GTF2E2: variants seen among roughly 807,000 people sequenced by gnomAD.
The protein encoded by GTF2E2 is transcription initiation factor IIE subunit beta.
In GTF2E2, 21 loss-of-function variants were observed where a neutral mutation model predicts 40.5. The observed-to-expected ratio is 0.52, with a 90% CI of 0.37 to 0.75. The LOEUF (loss-of-function observed/expected upper bound fraction) is 0.75, where lower values mean the gene tolerates loss of function less well. Among genes scored for constraint, GTF2E2 ranks in the 30% least tolerant of loss-of-function variants. GTF2E2 has a pLI of 0.00. For synonymous variants in GTF2E2, 117 were observed against 121.6 expected (o/e 0.96, Z 0.25); for missense variants, 298 against 338.4 (o/e 0.88, Z 0.94).
intron 3 of GTF2E2, among the ~76,000 whole-genome samples, chr8:30,623,451 G>A (rs576816137): frequency 6.6e-6 from 1 of 151,776 alleles, no homozygotes; most frequent in Non-Finnish European, 1.5e-5. Flanking sequence ...ATCATTGTTG[G>A]ACATTTGAGT....
intron 7 of GTF2E2, among the ~76,000 whole-genome samples, chr8:30,579,396 T>C (rs1392371076): frequency 6.6e-6 from 1 of 152,210 alleles, no homozygotes; most frequent in African/African-American, 2.4e-5. Flanking sequence ...GAAGAAAATA[T>C]GGCAAAATCC....
At chr8:30,649,311 T>G (rs1054758942) in intron 2 of GTF2E2, among the ~76,000 whole-genome samples, 1 of 151,962 alleles carries the variant, frequency 6.6e-6, no homozygotes, top group African/African-American at 2.4e-5. Flanking sequence ...TGAATTAAGT[T>G]CCACTGACAT....
intron 3 of GTF2E2, among the ~76,000 whole-genome samples, chr8:30,615,475 T>C (rs918474250): frequency 1.3e-5 from 2 of 152,102 alleles, no homozygotes; most frequent in Non-Finnish European, 2.9e-5. Flanking sequence ...AAGGAAAATA[T>C]TAGAAATAAC....
chr8:30,645,712 C>T (rs1026512271), intron 2 of GTF2E2: 20 of 1,076,802 alleles, frequency 1.9e-5, no homozygotes, highest in Non-Finnish European at 2.5e-5. Flanking sequence ...ATGGTTAAAA[C>T]ATTTCTAGTA....
intron 3 of GTF2E2, among the ~76,000 whole-genome samples, chr8:30,633,643 A>T (rs914676112): frequency 6.6e-6 from 1 of 152,226 alleles, no homozygotes; most frequent in Non-Finnish European, 1.5e-5. Context: ...AGTGAAGACC[A>T]TATTAACAGA....
intron 6 of GTF2E2, among the ~76,000 whole-genome samples, chr8:30,602,750 G>C (rs1234507969): frequency 9.1e-6 from 1 of 109,316 alleles, no homozygotes; most frequent in Non-Finnish European, 1.9e-5. Context: ...GCGAAACTCC[G>C]TCTCAAAAAA....
At chr8:30,624,128 G>C (rs972580429) in intron 3 of GTF2E2, among the ~76,000 whole-genome samples, 6 of 151,936 alleles carry the variant, frequency 3.9e-5, no homozygotes, top group Admixed American at 3.9e-4. Context: ...TTTCTTCTAG[G>C]GTTTTTATGG....
chr8:30,580,864 C>G (rs1044810148), intron 6 of GTF2E2, among the ~76,000 whole-genome samples: 9 of 152,200 alleles, frequency 5.9e-5, no homozygotes, highest in Non-Finnish European at 8.8e-5. Context: ...CTTTTGAAAT[C>G]AAATAACCTG....
chr8:30,582,146 G>A, intron 6 of GTF2E2, among the ~76,000 whole-genome samples: 1 of 152,034 alleles, frequency 6.6e-6, no homozygotes, highest in East Asian at 1.9e-4. Flanking sequence ...TGAGGAGCTG[G>A]GACCAAGGTA....
At chr8:30,608,501 A>C (rs1402338015) in intron 5 of GTF2E2, among the ~76,000 whole-genome samples, 2 of 152,222 alleles carry the variant, frequency 1.3e-5, no homozygotes, top group Non-Finnish European at 2.9e-5. Context: ...TCATCATCCC[A>C]TTATTCTTAC....
At chr8:30,584,199 T>G (rs1273311096) in intron 6 of GTF2E2, among the ~76,000 whole-genome samples, 1 of 91,010 alleles carries the variant, frequency 1.1e-5, no homozygotes. Context: ...TTGCTTCCCT[T>G]TTTTTTTTTT....
At chr8:30,585,085 C>G (rs985331551) in intron 6 of GTF2E2, 6 of 152,274 alleles carry the variant, frequency 3.9e-5, no homozygotes, top group African/African-American at 1.4e-4. Flanking sequence ...ACTTGGGAGG[C>G]TGAGGAAGGA....
At chr8:30,590,983 G>A (rs574613828) in intron 6 of GTF2E2, among the ~76,000 whole-genome samples, 6 of 152,184 alleles carry the variant, frequency 3.9e-5, no homozygotes, top group East Asian at 1.9e-4. Flanking sequence ...GAGCCACTGC[G>A]CCTGGCCCAA....
rs1802399516 is a variant in GTF2E2, at chr8:30,654,687, G to A, written c.-4-1085C>T. On this transcript the variant is annotated intron_variant, in intron 1 of 7. Coordinates refer to ENST00000355904, the MANE Select transcript of GTF2E2 (RefSeq NM_002095.6). ...CCCAAAGCACTAGGATTACAAACATGAGCCACTGCACCCAGCCTAGAATAT... is the reference window on the plus strand; with the variant it reads ...CCCAAAGCACTAGGATTACAAACATAAGCCACTGCACCCAGCCTAGAATAT... 2.0e-5 allele frequency among the ~76,000 whole-genome samples: 3 copies of A among 152,240 alleles called. No homozygotes were observed. The South Asian group carries it at 6.2e-4, about 32-fold the overall frequency.
intron 6 of GTF2E2, among the ~76,000 whole-genome samples, chr8:30,601,159 GTC>G (rs1829169116): frequency 6.6e-6 from 1 of 152,182 alleles, no homozygotes; most frequent in Admixed American, 6.5e-5. Context: ...TCCCTCTGGT[GTC>G]TCTACAGCAC....
Position 30,612,443 on chromosome 8 carries a change from C to T in GTF2E2, c.405G>A (p.Gly135=). Residue 135 remains glycine (G), a synonymous_variant, in exon 5 of 8, where the codon GGG becomes GGA. Coordinates refer to ENST00000355904, the MANE Select transcript of GTF2E2 (RefSeq NM_002095.6). The stretch of plus-strand genomic sequence containing the variant: ...TGTACTTGGGCTTGAAAGCATACTT[C>T]CCATCTATTACTTCAATTTTGGGAT... The part of the protein sequence containing the change: ...VNNPKIEVID[G]KYAFKPKYNV... 2 of 1,612,246 alleles carry T rather than the reference C, an allele frequency of 1.2e-6. No homozygotes were observed. The highest frequency in any genetic ancestry group is 1.3e-5 in the African/African-American group (1 of 74,964).
chr8:30,607,151 C>T lies in GTF2E2; in HGVS notation c.550-1G>A. 1 of 1,214,204 alleles carries T rather than the reference C, an allele frequency of 8.2e-7. No individual in the cohort carries two copies. The highest frequency in any genetic ancestry group is 1.2e-6 in the Non-Finnish European group (1 of 851,392). The allele number at this position is 1,214,204 out of a possible 1,614,324, so 75.2% of individuals were successfully genotyped here. On this transcript the variant is annotated splice_acceptor_variant, in intron 5 of 7. Transcript: ENST00000355904. LOFTEE classifies it high-confidence loss of function. The stretch of plus-strand genomic sequence containing the variant: ...CAAATAGTATCTGGTCCCCCAAAGC[C>T]TTAAAGATAGATAAAATAAAGATTT...
chr8:30,629,245 C>A (rs1801369660), intron 3 of GTF2E2, among the ~76,000 whole-genome samples: 1 of 152,028 alleles, frequency 6.6e-6, no homozygotes, highest in African/African-American at 2.4e-5. Context: ...TGACCCAGTC[C>A]TACTATGGAC....
chr8:30,595,269 T>C (rs564333734), intron 6 of GTF2E2, among the ~76,000 whole-genome samples: 3 of 152,228 alleles, frequency 2.0e-5, no homozygotes, highest in Non-Finnish European at 4.4e-5. Context: ...TAATTTGTCA[T>C]AAATTTTATT....
Sources: gnomAD v4.1 joint callset for allele counts (sites outside exome capture counted in the v4.1 genomes callset) on GRCh38, gnomAD v4.1.1 for gene constraint, MANE v1.5 for transcripts, NCBI Gene and HGNC (gene_info 2026-07-23, HGNC 2026-07-21) for gene names.